Variants in DOCK1 observed in about 807,000 individuals in gnomAD.
DOCK1 encodes the protein dedicator of cytokinesis 1, also known as dedicator of cytokinesis protein 1.
DOCK1 carries 138 observed loss-of-function variants against 262.7 expected under a neutral mutation model. The ratio of observed to expected loss-of-function variants is 0.53; its 90% CI spans 0.46 to 0.61. DOCK1 has a LOEUF of 0.61. Ranked by LOEUF, DOCK1 falls within the 20% of genes least tolerant of loss-of-function variation. DOCK1 has a pLI of 0.00. For missense variants in DOCK1, 1,908 were observed against 2,370.7 expected (o/e 0.80, Z 4.05); for synonymous variants, 866 against 867.4 (o/e 1.00, Z 0.03).
chr10:126,948,637 G>A (rs895955872), intron 1 of DOCK1, among the ~76,000 whole-genome samples: 1 of 151,910 alleles, frequency 6.6e-6, no homozygotes, highest in Non-Finnish European at 1.5e-5. Flanking sequence ...TCCCGATGTG[G>A]GGTTGCAGGG....
At chr10:127,152,788 G>C (rs1182994968) in intron 27 of DOCK1, among the ~76,000 whole-genome samples, 1 of 152,174 alleles carries the variant, frequency 6.6e-6, no homozygotes, top group Non-Finnish European at 1.5e-5. Flanking sequence ...TGTGGCCTTC[G>C]GTGCCTATCT....
At chr10:127,000,678 A>T (rs1012933758) in intron 10 of DOCK1, 3 of 175,558 alleles carry the variant, frequency 1.7e-5, no homozygotes, top group Admixed American at 5.9e-5. Context: ...GAAGAAGAGG[A>T]AGAAAGGCAA....
intron 3 of DOCK1, among the ~76,000 whole-genome samples, chr10:126,978,964 G>A (rs1017853753): frequency 3.9e-5 from 6 of 152,090 alleles, no homozygotes; most frequent in Non-Finnish European, 8.8e-5. Flanking sequence ...AAGGATCCAG[G>A]GTGGTCCCTA....
intron 29 of DOCK1, among the ~76,000 whole-genome samples, chr10:127,315,760 C>T (rs995506298): frequency 6.6e-6 from 1 of 152,182 alleles, no homozygotes; most frequent in African/African-American, 2.4e-5. Context: ...TGCAGTGGCG[C>T]AATCTCGGCT....
At chr10:127,055,868 G>A (rs1234471112) in intron 22 of DOCK1, among the ~76,000 whole-genome samples, 1 of 152,164 alleles carries the variant, frequency 6.6e-6, no homozygotes, top group Non-Finnish European at 1.5e-5. Flanking sequence ...GGGACAGGAA[G>A]TGTTTAGTGC....
intron 1 of DOCK1, among the ~76,000 whole-genome samples, chr10:126,965,383 G>A (rs2037589688): frequency 6.6e-6 from 1 of 152,172 alleles, no homozygotes; most frequent in African/African-American, 2.4e-5. Flanking sequence ...GATGGGTTGT[G>A]TGCTGGAGAA....
In DOCK1 at chr10:127,106,238, C is replaced by A; in HGVS notation, c.2453C>A (p.Ala818Glu). Residue 818 changes from alanine to glutamate, a missense_variant, in exon 24 of 52, where the codon GCA becomes GAA. Transcript: ENST00000623213. ...SDQTVRVKGAALKYLPTIVND... is the reference protein window; with the variant it reads ...SDQTVRVKGAELKYLPTIVND... ...TTGTTTCTTGATTTGCAGGGGGCAG[C>A]ACTGAAATACTTACCAACGATCGTC... 1 of 1,587,224 alleles carries A rather than the reference C, an allele frequency of 6.3e-7. No individual in the cohort carries two copies. Among genetic ancestry groups the A allele is most frequent in the Admixed American group, 1.8e-5 (1 of 56,364 alleles).
chr10:126,907,743 G>C (rs898225589), intron 1 of DOCK1, among the ~76,000 whole-genome samples: 8 of 152,136 alleles, frequency 5.3e-5, no homozygotes, highest in African/African-American at 1.9e-4. Context: ...GGAGGAGGCT[G>C]AGGGCCAGAA....
At chr10:127,350,537 C>G (rs765450479) in intron 31 of DOCK1, among the ~76,000 whole-genome samples, 1 of 152,340 alleles carries the variant, frequency 6.6e-6, no homozygotes, top group African/African-American at 2.4e-5. Flanking sequence ...CCCACTGTTA[C>G]ATTTTCTCAC....
chr10:126,992,723 AC>A (rs10717626), intron 6 of DOCK1, among the ~76,000 whole-genome samples: 96,185 of 147,918 alleles, frequency 0.65, 31,343 homozygotes, highest in East Asian at 0.78. Context: ...AGGCACACAG[AC>A]CCCCCCAACA....
At chr10:126,942,651 C>T (rs1250291472) in intron 1 of DOCK1, among the ~76,000 whole-genome samples, 1 of 152,134 alleles carries the variant, frequency 6.6e-6, no homozygotes, top group Non-Finnish European at 1.5e-5. Context: ...ACCCTGGGAT[C>T]TGCGATGCAG....
chr10:127,316,190 G>A (rs1590406869), intron 29 of DOCK1, among the ~76,000 whole-genome samples: 1 of 152,052 alleles, frequency 6.6e-6, no homozygotes. Context: ...ATTTACTCAC[G>A]TAGCAAATTT....
chr10:127,225,938 CA>C (rs1311776684), intron 27 of DOCK1, among the ~76,000 whole-genome samples: 1 of 152,030 alleles, frequency 6.6e-6, no homozygotes, highest in Non-Finnish European at 1.5e-5. Context: ...GTTAGCAGGG[CA>C]TGGTGGCGGG....
At chr10:126,930,816 C>G (rs2034130729) in intron 1 of DOCK1, among the ~76,000 whole-genome samples, 1 of 152,186 alleles carries the variant, frequency 6.6e-6, no homozygotes, top group Non-Finnish European at 1.5e-5. Flanking sequence ...GACTCGGGGC[C>G]CAGTCCCTGG....
intron 32 of DOCK1, among the ~76,000 whole-genome samples, chr10:127,360,102 G>A (rs1320006255): frequency 1.3e-5 from 2 of 152,172 alleles, no homozygotes; most frequent in African/African-American, 4.8e-5. Context: ...GTTTCATTAT[G>A]TCACCTTAAC....
intron 31 of DOCK1, among the ~76,000 whole-genome samples, chr10:127,352,484 T>A (rs1346811743): frequency 6.6e-6 from 1 of 152,114 alleles, no homozygotes; most frequent in Non-Finnish European, 1.5e-5. Flanking sequence ...TGTCTGAACT[T>A]TAGGATTTCC....
At chr10:127,040,703 C>T (rs2043960670) in intron 19 of DOCK1, among the ~76,000 whole-genome samples, 5 of 152,182 alleles carry the variant, frequency 3.3e-5, no homozygotes, top group African/African-American at 1.2e-4. Context: ...CTGACCCAGC[C>T]TTTCCTCTGA....
intron 27 of DOCK1, among the ~76,000 whole-genome samples, chr10:127,196,800 G>T (rs1021496236): frequency 4.6e-5 from 7 of 151,838 alleles, no homozygotes; most frequent in Non-Finnish European, 8.8e-5. Flanking sequence ...CCGCCACAGC[G>T]CGTCCTCCGG....
intron 12 of DOCK1, among the ~76,000 whole-genome samples, chr10:127,016,808 C>G (rs1222805856): frequency 3.4e-5 from 5 of 148,044 alleles, no homozygotes; most frequent in Non-Finnish European, 4.4e-5. Flanking sequence ...ATACAGACAC[C>G]ACAAACACAC....
Sources: allele counts gnomAD v4.1 joint callset (sites outside exome capture counted in the v4.1 genomes callset), GRCh38; gene constraint gnomAD v4.1.1; transcripts MANE v1.5; gene names NCBI Gene and HGNC (gene_info 2026-07-23, HGNC 2026-07-21).